The following FHAD1 variants were observed in gnomAD, a reference collection of about 807,000 sequenced individuals.
FHAD1 encodes forkhead-associated domain-containing protein 1.
In FHAD1, 146 loss-of-function variants were observed where a neutral mutation model predicts 191.3. The ratio of observed to expected loss-of-function variants is 0.76; its 90% CI spans 0.67 to 0.88. The LOEUF (loss-of-function observed/expected upper bound fraction) is 0.88, where lower values mean the gene tolerates loss of function less well. FHAD1 is among the 40% of genes least tolerant of loss of function. FHAD1 has a pLI of 0.00. For missense variants in FHAD1, 1,635 were observed against 1,785.8 expected (o/e 0.92, Z 1.52); for synonymous variants, 616 against 672.3 (o/e 0.92, Z 1.29).
intron 7 of FHAD1, among the ~76,000 whole-genome samples, chr1:15,310,046 G>A (rs1009396415): frequency 1.2e-4 from 18 of 152,168 alleles, no homozygotes; most frequent in South Asian, 4.1e-4. Context: ...GATGGGACAC[G>A]TTAGGGTTTT....
intron 1 of FHAD1, among the ~76,000 whole-genome samples, chr1:15,240,973 A>AAAG (rs1557886270): frequency 0.023 from 1,747 of 77,528 alleles, 42 homozygotes; most frequent in African/African-American, 0.085. Flanking sequence ...AAAAAAAAAA[A>AAAG]AAAGAAAGAA....
At chr1:15,379,757 T>A (rs923169391) in intron 28 of FHAD1, among the ~76,000 whole-genome samples, 2 of 152,242 alleles carry the variant, frequency 1.3e-5, no homozygotes, top group African/African-American at 4.8e-5. Context: ...CATGCTGCCT[T>A]CAAGCATCTG....
In FHAD1 at chr1:15,289,565, C is replaced by T; in HGVS notation, c.467C>T (p.Thr156Ile). 1 of 1,551,796 alleles carries T rather than the reference C, an allele frequency of 6.4e-7. No homozygotes were observed. Among genetic ancestry groups the T allele is most frequent in the Non-Finnish European group, 8.7e-7 (1 of 1,147,032 alleles). Residue 156 changes from threonine to isoleucine, a missense_variant, in exon 4 of 34, where the codon ACC becomes ATC. Thr to Ile is a moderately conservative substitution (Grantham distance 89). Coordinates refer to ENST00000688493, the MANE Select transcript of FHAD1 (RefSeq NM_001391957.1). The surrounding 1 kb of genome is among the most constrained non-coding windows in gnomAD (Gnocchi z 4.2). ...TGGTCCCAGGCCTTTCCCAGACCCA[C>T]CGTGGTCCTGCCGGCCTCCCACAGG... ...RSWSQAFPRP[T>I]VVLPASHRRP...
At chr1:15,363,260 A>G (rs1439631712) in intron 23 of FHAD1, among the ~76,000 whole-genome samples, 1 of 152,140 alleles carries the variant, frequency 6.6e-6, no homozygotes, top group East Asian at 1.9e-4. Flanking sequence ...CCACAGTCTC[A>G]CTGCCATGAT....
At chr1:15,263,356 C>T (rs546380188) in intron 2 of FHAD1, among the ~76,000 whole-genome samples, 3 of 152,036 alleles carry the variant, frequency 2.0e-5, no homozygotes, top group African/African-American at 7.2e-5. Flanking sequence ...TTCTTGGTGT[C>T]ATTGCCAAGA....
chr1:15,312,732 G>A lies in FHAD1; in HGVS notation c.1040-325G>A, dbSNP rs953703439. On this transcript the variant is annotated intron_variant, in intron 7 of 33. Transcript: ENST00000688493. The surrounding 1 kb of genome is among the most constrained non-coding windows in gnomAD (Gnocchi z 4.7). ...AACTCAGATGAGTGTGAATCAACACGTCCCTTGCTGCCACAGGCCCATGTC... is the reference window on the plus strand; with the variant it reads ...AACTCAGATGAGTGTGAATCAACACATCCCTTGCTGCCACAGGCCCATGTC... Among the ~76,000 whole-genome samples the A allele has an allele frequency of 6.6e-6, 1 of 152,156 alleles. No homozygotes were observed. The highest frequency in any genetic ancestry group is 1.5e-5 in the Non-Finnish European group (1 of 68,030).
intron 21 of FHAD1, 150 bp from the exon 22 acceptor site, chr1:15,360,328 G>A (rs1694373284): frequency 1.6e-6 from 1 of 644,884 alleles, no homozygotes; most frequent in Non-Finnish European, 2.7e-6. Context: ...AAGGAGCTGG[G>A]GAAGAAGTGC....
At chr1:15,246,890 C>T (rs529889854), upstream of FHAD1, among the ~76,000 whole-genome samples, 1 of 152,246 alleles carries the variant, frequency 6.6e-6, no homozygotes, top group African/African-American at 2.4e-5. Context: ...GGCATACTAA[C>T]CTCCAAGGGT....
intron 6 of FHAD1, among the ~76,000 whole-genome samples, chr1:15,306,180 G>C (rs982345233): frequency 6.6e-6 from 1 of 152,238 alleles, no homozygotes; most frequent in African/African-American, 2.4e-5. Context: ...TTTTAGCAAA[G>C]AGAATGGTGG....
At chr1:15,309,261 G>A (rs1671493449) in intron 7 of FHAD1, among the ~76,000 whole-genome samples, 1 of 152,164 alleles carries the variant, frequency 6.6e-6, no homozygotes, top group South Asian at 2.1e-4. Context: ...CCCTTGCCAG[G>A]CACAGCTGTT....
At position 15,316,376 on chromosome 1, in the gene FHAD1, A is replaced by G. The variant is rs753161114; in HGVS notation, c.1171-2A>G. 2.6e-6 allele frequency: 4 copies of G among 1,551,524 alleles called. No homozygotes were observed. Among genetic ancestry groups the G allele is most frequent in the Middle Eastern group, 3.4e-4 (2 of 5,912 alleles). On this transcript the variant is annotated splice_acceptor_variant, in intron 8 of 33. Coordinates refer to ENST00000688493, the MANE Select transcript of FHAD1 (RefSeq NM_001391957.1). LOFTEE classifies it high-confidence loss of function. The surrounding 1 kb of genome is among the most constrained non-coding windows in gnomAD (Gnocchi z 4.3). Reference sequence around the variant, plus strand: ...CTTTCTGTGTTGCCCTTTTCTCCACAGTGCTCGGTGCTAAAGGAAGAGTTA... The same window carrying G: ...CTTTCTGTGTTGCCCTTTTCTCCACGGTGCTCGGTGCTAAAGGAAGAGTTA...
intron 21 of FHAD1, among the ~76,000 whole-genome samples, chr1:15,358,745 G>C (rs1693670307): frequency 1.4e-5 from 2 of 142,010 alleles, no homozygotes; most frequent in African/African-American, 2.6e-5. Context: ...CGGCATTCGA[G>C]GCCCTCCACA....
intron 2 of FHAD1, among the ~76,000 whole-genome samples, chr1:15,259,031 C>A (rs1211431809): frequency 6.6e-6 from 1 of 152,188 alleles, no homozygotes; most frequent in Admixed American, 6.5e-5. Context: ...GCTTTCCCAG[C>A]AACAGTGCAT....
intron 6 of FHAD1, among the ~76,000 whole-genome samples, chr1:15,304,138 G>A (rs1357291124): frequency 2.6e-5 from 4 of 152,180 alleles, no homozygotes; most frequent in African/African-American, 7.2e-5. Flanking sequence ...TGTGCATAAC[G>A]ATTTGCTCTC....
At chr1:15,263,733 A>T (rs1157339240) in intron 2 of FHAD1, among the ~76,000 whole-genome samples, 1 of 151,856 alleles carries the variant, frequency 6.6e-6, no homozygotes. Flanking sequence ...GTGTTAGCCC[A>T]GATGGTCTTG....
chr1:15,292,124 T>C (rs1181524494), intron 4 of FHAD1, among the ~76,000 whole-genome samples: 1 of 152,114 alleles, frequency 6.6e-6, no homozygotes, highest in Non-Finnish European at 1.5e-5. Flanking sequence ...AGTGCCTTTC[T>C]TTCTTCCTTC....
At chr1:15,281,298 T>G (rs554171492) in intron 3 of FHAD1, among the ~76,000 whole-genome samples, 22 of 152,084 alleles carry the variant, frequency 1.4e-4, no homozygotes, top group Non-Finnish European at 2.6e-4. Context: ...CTTGTAATTG[T>G]GTAGTTATTA....
At chr1:15,358,334 T>C (rs948428156) in intron 21 of FHAD1, 51 bp downstream of exon 21, 2 of 1,490,830 alleles carry the variant, frequency 1.3e-6, no homozygotes, top group African/African-American at 2.9e-5. Context: ...AATGGAAGAT[T>C]ACAGTGCCAC....
chr1:15,376,604 G>T (rs1186957584), intron 28 of FHAD1, among the ~76,000 whole-genome samples: 1 of 152,206 alleles, frequency 6.6e-6, no homozygotes, highest in African/African-American at 2.4e-5. Flanking sequence ...CTTGGGCAAG[G>T]CTCTTGACCT....
Sources: allele counts gnomAD v4.1 joint callset (sites outside exome capture counted in the v4.1 genomes callset), GRCh38; gene constraint gnomAD v4.1.1; non-coding constraint Gnocchi (gnomAD v3.1); transcripts MANE v1.5; gene names NCBI Gene and HGNC (gene_info 2026-07-23, HGNC 2026-07-21).